Variants in COQ5 observed in about 807,000 individuals in gnomAD.
COQ5 encodes coenzyme Q5, methyltransferase, also known as 2-methoxy-6-polyprenyl-1,4-benzoquinol methylase, mitochondrial.
COQ5 carries 27 observed loss-of-function variants against 40.5 expected under a neutral mutation model. The ratio of observed to expected loss-of-function variants is 0.67; its 90% CI spans 0.49 to 0.92. The LOEUF is 0.92. Ranked by LOEUF, COQ5 falls within the 40% of genes least tolerant of loss-of-function variation. The probability of loss-of-function intolerance (pLI) is 0.00; values close to 1 mark genes in which losing one functional copy is unlikely to be tolerated. For missense variants in COQ5, 409 were observed against 406.4 expected, an observed-to-expected ratio of 1.01 and a Z score of -0.06; for synonymous variants, 141 against 150.0, an observed-to-expected ratio of 0.94 and a Z score of 0.44.
chr12:120,526,235 G>T (rs565079092), intron 1 of COQ5, among the ~76,000 whole-genome samples: 2 of 152,260 alleles, frequency 1.3e-5, no homozygotes, highest in South Asian at 4.1e-4. Flanking sequence ...TACTTGTATT[G>T]CCTCTTTATC....
chr12:120,520,096 AATT>A (rs1190506362), intron 2 of COQ5, among the ~76,000 whole-genome samples: 1 of 151,582 alleles, frequency 6.6e-6, no homozygotes, highest in Non-Finnish European at 1.5e-5. Flanking sequence ...CTAATTATCA[AATT>A]ATTACATTAT....
intron 2 of COQ5, among the ~76,000 whole-genome samples, chr12:120,518,599 T>C (rs1869499655): frequency 6.6e-6 from 1 of 151,540 alleles, no homozygotes; most frequent in African/African-American, 2.4e-5. Flanking sequence ...GGAGGCTCGC[T>C]CTATTCCCAG....
At chr12:120,510,386 T>G (rs1869075032) in intron 3 of COQ5, among the ~76,000 whole-genome samples, 1 of 152,170 alleles carries the variant, frequency 6.6e-6, no homozygotes. Context: ...CACAGCTCAC[T>G]GCATCCTCAA....
chr12:120,529,132 G>T lies in COQ5; in HGVS notation c.10C>A (p.Pro4Thr), dbSNP rs563912555. MAA[P>T]GSCALWSYCG... Reference sequence around the variant, plus strand: ...TAGCTCCATAGAGCACAGCTCCCGGGGGCCGCCATCTTGGTAGTCGAGTGA... The same window carrying T: ...TAGCTCCATAGAGCACAGCTCCCGGTGGCCGCCATCTTGGTAGTCGAGTGA... The change falls in exon 1 of 7, where the codon CCC becomes ACC. Residue 4 changes from proline to threonine, a missense_variant. Transcript: ENST00000288532. The T allele has an allele frequency of 3.7e-6, 6 of 1,613,390 alleles. No homozygotes were observed. In the African/African-American group the frequency reaches 8.0e-5, roughly 22 times the overall value.
At chr12:120,515,293 T>C (rs1221490911) in intron 3 of COQ5, among the ~76,000 whole-genome samples, 1 of 152,160 alleles carries the variant, frequency 6.6e-6, no homozygotes, top group Admixed American at 6.5e-5. Flanking sequence ...TCTCACTATG[T>C]TGCCTAGGCT....
At chr12:120,515,242 C>T (rs1010065262) in intron 3 of COQ5, among the ~76,000 whole-genome samples, 1 of 152,114 alleles carries the variant, frequency 6.6e-6, no homozygotes, top group Non-Finnish European at 1.5e-5. Flanking sequence ...CAGGTGTGTA[C>T]CACCACACTT....
Position 120,503,519 on chromosome 12 carries a change from C to T in COQ5, c.*265G>A, listed in dbSNP as rs761469589. 4.6e-5 allele frequency: 27 copies of T among 590,780 alleles called. No individual in the cohort carries two copies. The highest frequency in any genetic ancestry group is 7.6e-5 in the Non-Finnish European group (24 of 314,250). The allele number at this position is 590,780 out of a possible 1,614,324, so 36.6% of individuals were successfully genotyped here. A position where few individuals can be genotyped will look rare whatever the true frequency, so the allele number is the denominator to read the frequency against. On this transcript the variant is annotated 3_prime_UTR_variant, in exon 7 of 7. Transcript: ENST00000288532. ...TAGGGGTGGTTGTACCTTAACCACA[C>T]ACCCTACAGCCAAGAGAAATTAGCA... is the stretch of plus-strand genomic sequence containing the variant.
chr12:120,526,332 G>A, intron 1 of COQ5: 1 of 379,516 alleles, frequency 2.6e-6, no homozygotes, highest in Non-Finnish European at 5.3e-6. Flanking sequence ...AATGCTGGAA[G>A]TGAAATTCAA....
Position 120,522,097 on chromosome 12 carries a change from T to A in COQ5, c.352+117A>T, listed in dbSNP as rs532092523. The A allele has an allele frequency of 2.5e-3, 2,492 of 991,482 alleles. 29 individuals carry two copies. The highest frequency in any genetic ancestry group is 0.018 in the Middle Eastern group (82 of 4,610). The allele number at this position is 991,482 out of a possible 1,614,324, so 61.4% of individuals were successfully genotyped here. A position where few individuals can be genotyped will look rare whatever the true frequency, so the allele number is the denominator to read the frequency against. On this transcript the variant is annotated intron_variant, in intron 2 of 6. Coordinates refer to ENST00000288532, the MANE Select transcript of COQ5 (RefSeq NM_032314.4). Reference sequence around the variant, plus strand: ...GTGCCTTTCTCAGAAGTTATAAGTATGCAGATTTTCAATCACCATCTTCCG... The same window carrying A: ...GTGCCTTTCTCAGAAGTTATAAGTAAGCAGATTTTCAATCACCATCTTCCG...
At chr12:120,503,920 G>T (rs1868761560) in intron 6 of COQ5, 35 bp from the exon 7 acceptor site, 1 of 1,592,492 alleles carries the variant, frequency 6.3e-7, no homozygotes, top group Non-Finnish European at 8.6e-7. Flanking sequence ...AGCCAGGGTA[G>T]CCTGGATATC....
At chr12:120,517,712 T>C (rs1869445228) in intron 2 of COQ5, among the ~76,000 whole-genome samples, 1 of 151,854 alleles carries the variant, frequency 6.6e-6, no homozygotes, top group Admixed American at 6.6e-5. Context: ...GTGTTTATAA[T>C]ACTGTGACCT....
chr12:120,505,462 A>T (rs1868838759), intron 4 of COQ5, among the ~76,000 whole-genome samples: 2 of 151,864 alleles, frequency 1.3e-5, no homozygotes. Flanking sequence ...ATCTCAGCTC[A>T]CTGCAACCGC....
intron 1 of COQ5, 135 bp from the exon 2 acceptor site, chr12:120,522,498 T>C (rs887987985): frequency 1.3e-6 from 1 of 799,106 alleles, no homozygotes; most frequent in Admixed American, 1.8e-5. Flanking sequence ...TAATGCTTGA[T>C]GCCCAAATCT....
chr12:120,504,432 T>TA (rs1565928151), intron 5 of COQ5: 13 of 262,700 alleles, frequency 4.9e-5, no homozygotes, highest in Non-Finnish European at 7.4e-5. Flanking sequence ...TTTTTTTTTT[T>TA]AGAGATAGGG....
intron 4 of COQ5, among the ~76,000 whole-genome samples, 166 bp from the exon 5 acceptor site, chr12:120,505,149 T>G (rs921893767): frequency 5.3e-5 from 8 of 152,224 alleles, no homozygotes; most frequent in African/African-American, 1.9e-4. Flanking sequence ...TAACCCTACG[T>G]ATCCCAAATG....
intron 1 of COQ5, chr12:120,523,043 A>G (rs1869751289): frequency 4.2e-6 from 2 of 471,154 alleles, no homozygotes; most frequent in South Asian, 1.1e-4. Flanking sequence ...ATAAAAAAAA[A>G]AGAGATTCTT....
At position 120,510,040 on chromosome 12, in the gene COQ5, G is replaced by C; in HGVS notation, c.658C>G (p.Arg220Gly). ...ACCTGATCAATGTGTGTGACATTCC[G>C]GATCCCAAAGGCAATGGTGTAAATA... ...FDIYTIAFGIRNVTHIDQALQ... is the reference protein window; with the variant it reads ...FDIYTIAFGIGNVTHIDQALQ... Residue 220 changes from arginine (R) to glycine (G), a missense_variant, in exon 4 of 7, where the codon CGG (arginine) becomes GGG (glycine). Physicochemically the swap from Arg to Gly is moderately radical, Grantham distance 125 (BLOSUM62 -2). Transcript: ENST00000288532. The C allele has an allele frequency of 6.2e-7, 1 of 1,613,860 alleles. No individual in the cohort carries two copies. The highest frequency in any genetic ancestry group is 1.1e-5 in the South Asian group (1 of 91,082).
At chr12:120,526,568 T>A in intron 1 of COQ5, 1 of 420,576 alleles carries the variant, frequency 2.4e-6, no homozygotes, top group East Asian at 7.4e-5. Context: ...TTCATAACAT[T>A]GAAAGCACAA....
At chr12:120,517,414 T>C (rs1593020451) in intron 2 of COQ5, among the ~76,000 whole-genome samples, 1 of 150,442 alleles carries the variant, frequency 6.6e-6, no homozygotes, top group East Asian at 2.0e-4. Flanking sequence ...CTCATGCCTG[T>C]AATCCCAGCA....
Sources: gnomAD v4.1 joint callset for allele counts (sites outside exome capture counted in the v4.1 genomes callset) on GRCh38, gnomAD v4.1.1 for gene constraint, MANE v1.5 for transcripts, NCBI Gene and HGNC (gene_info 2026-07-23, HGNC 2026-07-21) for gene names.